Variants in FDFT1 observed in about 807,000 individuals in gnomAD.
The protein encoded by FDFT1 is farnesyl-diphosphate farnesyltransferase 1, also known as squalene synthase.
A neutral mutation model predicts 46.8 loss-of-function variants in FDFT1; 68 were observed. That is an observed-to-expected ratio of 1.45 (90% CI 1.19 to 1.78). The LOEUF (loss-of-function observed/expected upper bound fraction) is 1.78, where lower values mean the gene tolerates loss of function less well. Among genes scored for constraint, FDFT1 ranks in the 40% most tolerant of loss-of-function variants. FDFT1 has a pLI of 0.00. For synonymous variants in FDFT1, 351 were observed against 185.1 expected, an observed-to-expected ratio of 1.90 and a Z score of -7.28; for missense variants, 928 against 524.4, an observed-to-expected ratio of 1.77 and a Z score of -7.52.
At chr8:11,798,593 A>G (rs1805800280), upstream of FDFT1, among the ~76,000 whole-genome samples, 1 of 152,276 alleles carries the variant, frequency 6.6e-6, no homozygotes, top group Admixed American at 6.5e-5. Context: ...TTTTGTGATT[A>G]CAAAACTGAG....
chr8:11,830,654 C>A lies in FDFT1; in HGVS notation c.879+234C>A, dbSNP rs566753367. ...ACCTTCTTTCTGGATTTACTATTTT[C>A]TACAGCTATCCTAAACTAGTTAGGT... On this transcript the variant is annotated intron_variant, in intron 6 of 7. Coordinates refer to ENST00000220584, the MANE Select transcript of FDFT1 (RefSeq NM_004462.5). Among the ~76,000 whole-genome samples, 5 of 152,282 alleles carry A rather than the reference C, an allele frequency of 3.3e-5. No individual in the cohort carries two copies. The South Asian group carries it at 1.0e-3, about 32-fold the overall frequency.
intron 1 of FDFT1, 195 bp downstream of exon 1, chr8:11,803,126 C>G: frequency 1.4e-6 from 2 of 1,431,180 alleles, no homozygotes; most frequent in Non-Finnish European, 1.8e-6. Context: ...GCTGACCTGT[C>G]CCTGCCCCCG....
intron 4 of FDFT1, among the ~76,000 whole-genome samples, chr8:11,822,948 A>G (rs1490611273): frequency 6.6e-6 from 1 of 152,242 alleles, no homozygotes; most frequent in African/African-American, 2.4e-5. Flanking sequence ...TTGATCAGAT[A>G]AAATTGAATT....
chr8:11,814,518 A>C (rs1180884678), intron 3 of FDFT1, among the ~76,000 whole-genome samples: 1 of 152,026 alleles, frequency 6.6e-6, no homozygotes, highest in African/African-American at 2.4e-5. Context: ...AAATCTCTTC[A>C]CTGTTTGCAG....
chr8:11,831,454 T>G, intron 6 of FDFT1, 64 bp from the exon 7 acceptor site: 1 of 1,479,714 alleles, frequency 6.8e-7, no homozygotes, highest in Non-Finnish European at 9.4e-7. Context: ...TTCTTACCTT[T>G]TTGTGATAAT....
intron 7 of FDFT1, among the ~76,000 whole-genome samples, chr8:11,837,707 C>T (rs1472050784): frequency 6.6e-6 from 1 of 152,064 alleles, no homozygotes; most frequent in Admixed American, 6.6e-5. Context: ...TTGAGATCTC[C>T]TTGGTGACAG....
At chr8:11,802,421 C>A (rs887001381), upstream of FDFT1, 2 of 458,236 alleles carry the variant, frequency 4.4e-6, no homozygotes, top group Non-Finnish European at 8.8e-6. Context: ...ACCGCCTCAC[C>A]TCCAGTCCCC....
intron 3 of FDFT1, among the ~76,000 whole-genome samples, chr8:11,820,553 G>GC (rs933594599): frequency 1.3e-5 from 2 of 152,200 alleles, no homozygotes; most frequent in Non-Finnish European, 2.9e-5. Context: ...GCATAGAAGT[G>GC]CGTACTGAAG....
upstream of FDFT1, chr8:11,802,467 AAAAC>A (rs1806236583): frequency 4.3e-6 from 2 of 470,250 alleles, no homozygotes; most frequent in Non-Finnish European, 8.5e-6. Flanking sequence ...TAAGCGGAAG[AAAAC>A]AAAGGCCCGG....
chr8:11,838,865 T>A lies in FDFT1; in HGVS notation c.*256T>A, dbSNP rs1441055856. The A allele has an allele frequency of 4.1e-6, 2 of 492,978 alleles. No individual in the cohort carries two copies. The highest frequency in any genetic ancestry group is 7.3e-6 in the Non-Finnish European group (2 of 273,156). The allele number at this position is 492,978 out of a possible 1,614,324, so 30.5% of individuals were successfully genotyped here. A position where few individuals can be genotyped will look rare whatever the true frequency, so the allele number is the denominator to read the frequency against. ...TTGTGGCTCATGGCAGAGCATTCAG[T>A]GCCACGGTTTAGGTGAAGTCGCTGC... is the stretch of plus-strand genomic sequence containing the variant. On this transcript the variant is annotated 3_prime_UTR_variant, in exon 8 of 8. Coordinates refer to ENST00000220584, the MANE Select transcript of FDFT1 (RefSeq NM_004462.5).
At chr8:11,804,620 T>TTG (rs1487361129) in intron 1 of FDFT1, among the ~76,000 whole-genome samples, 1 of 147,198 alleles carries the variant, frequency 6.8e-6, no homozygotes, top group Non-Finnish European at 1.5e-5. Context: ...TTTTTTTTTT[T>TTG]TGAGATGGAG....
chr8:11,818,960 C>T (rs931674600), intron 3 of FDFT1, among the ~76,000 whole-genome samples: 9 of 152,164 alleles, frequency 5.9e-5, no homozygotes, highest in African/African-American at 2.4e-5. Context: ...ATGGTCTTTA[C>T]AATTTGGCAT....
intron 1 of FDFT1, among the ~76,000 whole-genome samples, chr8:11,806,802 G>A (rs1041024627): frequency 1.3e-5 from 2 of 152,094 alleles, no homozygotes; most frequent in African/African-American, 4.8e-5. Flanking sequence ...GGAAGGAGTT[G>A]GTGAATTGTT....
At chr8:11,801,956 T>G (rs949163966), upstream of FDFT1, 2 of 455,586 alleles carry the variant, frequency 4.4e-6, no homozygotes, top group African/African-American at 4.0e-5. Flanking sequence ...CCCAAAGTGT[T>G]GCGATTACAG....
chr8:11,811,825 T>C (rs1363375033), intron 3 of FDFT1, among the ~76,000 whole-genome samples: 1 of 152,268 alleles, frequency 6.6e-6, no homozygotes, highest in Non-Finnish European at 1.5e-5. Context: ...TTGTGTGTTT[T>C]GCGTGCATAT....
At chr8:11,795,674 AT>A (rs1805486878) in exon 1 of FDFT1, 1 of 151,984 alleles carries the variant, frequency 6.6e-6, no homozygotes, top group Admixed American at 6.6e-5. Flanking sequence ...CACTGCCTTT[AT>A]GAGCTGTAAC....
intron 7 of FDFT1, among the ~76,000 whole-genome samples, chr8:11,837,799 G>T (rs1007383901): frequency 6.6e-6 from 1 of 152,102 alleles, no homozygotes; most frequent in African/African-American, 2.4e-5. Flanking sequence ...AGGCACTCAG[G>T]GCCTAATCTC....
At chr8:11,826,779 C>T (rs139151302) in intron 5 of FDFT1, among the ~76,000 whole-genome samples, 2,334 of 152,300 alleles carry the variant, frequency 0.015, 68 homozygotes, top group African/African-American at 0.052. Flanking sequence ...TGTGCCACTG[C>T]ACTCCAGCCT....
upstream of FDFT1, chr8:11,802,057 C>T (rs970498181): frequency 2.2e-6 from 1 of 455,770 alleles, no homozygotes; most frequent in Non-Finnish European, 4.4e-6. Flanking sequence ...CTGTTACAGG[C>T]TCTCTAAGGC....
Sources: gnomAD v4.1 joint callset for allele counts (sites outside exome capture counted in the v4.1 genomes callset) on GRCh38, gnomAD v4.1.1 for gene constraint, MANE v1.5 for transcripts, NCBI Gene and HGNC (gene_info 2026-07-23, HGNC 2026-07-21) for gene names.